Variants in WDR7 observed in about 807,000 individuals in gnomAD.
WDR7 encodes the protein WD repeat-containing protein 7.
A neutral mutation model predicts 169.4 loss-of-function variants in WDR7; 46 were observed. The ratio of observed to expected loss-of-function variants is 0.27; its 90% CI spans 0.21 to 0.35. The LOEUF (loss-of-function observed/expected upper bound fraction) is 0.35. Ranked by LOEUF, WDR7 falls within the 10% of genes least tolerant of loss-of-function variation. WDR7 has a pLI of 1.00. For missense variants in WDR7, 1,534 were observed against 1,859.3 expected (o/e 0.83, Z 3.22); for synonymous variants, 612 against 666.8 (o/e 0.92, Z 1.27).
chr18:57,012,713 T>G (rs1308785618), intron 26 of WDR7, among the ~76,000 whole-genome samples: 1 of 152,162 alleles, frequency 6.6e-6, no homozygotes. Flanking sequence ...ACATAAGACT[T>G]TCTCAGCTGT....
At chr18:57,032,092 A>G (rs527975596), downstream of WDR7, 1 of 152,340 alleles carries the variant, frequency 6.6e-6, no homozygotes, top group South Asian at 2.1e-4. Context: ...GCTTCTCACC[A>G]AAATTTGTAG....
At chr18:56,748,336 G>A (rs1209949695) in intron 14 of WDR7, among the ~76,000 whole-genome samples, 1 of 152,106 alleles carries the variant, frequency 6.6e-6, no homozygotes, top group Non-Finnish European at 1.5e-5. Context: ...TTGGCCCTTT[G>A]GGAAGAGTTG....
chr18:56,880,289 A>C, intron 21 of WDR7, 124 bp downstream of exon 21: 2 of 889,936 alleles, frequency 2.2e-6, no homozygotes, highest in Non-Finnish European at 3.4e-6. Flanking sequence ...GTGAAGTTAG[A>C]AAGCAGTACA....
intron 26 of WDR7, among the ~76,000 whole-genome samples, chr18:56,974,373 T>C (rs1326945729): frequency 2.7e-5 from 4 of 148,606 alleles, no homozygotes; most frequent in Admixed American, 1.3e-4. Flanking sequence ...TTTTTTTTTT[T>C]TTTTTTTTGA....
chr18:56,892,419 C>T (rs2046276414), intron 21 of WDR7, among the ~76,000 whole-genome samples: 1 of 152,082 alleles, frequency 6.6e-6, no homozygotes, highest in East Asian at 1.9e-4. Context: ...AACTCATTTT[C>T]CACACATGTT....
intron 5 of WDR7, among the ~76,000 whole-genome samples, chr18:56,684,705 G>A (rs532399171): frequency 3.6e-4 from 55 of 152,320 alleles, no homozygotes; most frequent in African/African-American, 1.3e-3. Flanking sequence ...GTTCTTCAGA[G>A]TGTTGGTTCT....
intron 20 of WDR7, among the ~76,000 whole-genome samples, chr18:56,854,254 A>G (rs2045684003): frequency 6.6e-6 from 1 of 152,236 alleles, no homozygotes; most frequent in Non-Finnish European, 1.5e-5. Context: ...TCAGCTGACT[A>G]CAAAACATAC....
intron 1 of WDR7, among the ~76,000 whole-genome samples, chr18:56,653,853 G>T (rs917068359): frequency 6.6e-6 from 1 of 152,020 alleles, no homozygotes; most frequent in Non-Finnish European, 1.5e-5. Context: ...ATACATTTTA[G>T]ACCTCTGTGA....
chr18:56,799,270 A>G (rs2044632771), intron 19 of WDR7, among the ~76,000 whole-genome samples: 1 of 152,190 alleles, frequency 6.6e-6, no homozygotes, highest in Admixed American at 6.5e-5. Context: ...TTGAGGGTGT[A>G]GTACTCTTGT....
intron 14 of WDR7, among the ~76,000 whole-genome samples, chr18:56,739,423 C>A (rs1050085889): frequency 6.6e-6 from 1 of 152,076 alleles, no homozygotes; most frequent in Admixed American, 6.6e-5. Context: ...CTTCTTTTTA[C>A]ATTTTAGTTG....
At chr18:56,658,976 A>C (rs960305229) in intron 1 of WDR7, among the ~76,000 whole-genome samples, 2 of 152,054 alleles carry the variant, frequency 1.3e-5, no homozygotes, top group Non-Finnish European at 2.9e-5. Flanking sequence ...TTGGCCTCCC[A>C]AAGTGCTGGG....
Position 56,718,027 on chromosome 18 carries a change from C to G in WDR7, c.1642C>G (p.Arg548Gly). 2 of 1,614,036 alleles carry G rather than the reference C, an allele frequency of 1.2e-6. No individual in the cohort carries two copies. The highest frequency in any genetic ancestry group is 1.7e-6 in the Non-Finnish European group (2 of 1,179,982). Residue 548 changes from arginine (R) to glycine (G), a missense_variant, in exon 13 of 28, where the codon CGA (arginine) becomes GGA (glycine). Physicochemically the swap from Arg to Gly is moderately radical, Grantham distance 125. Transcript: ENST00000254442. ...SDHSVGLLSLREKKCIMLASR... is the reference protein window; with the variant it reads ...SDHSVGLLSLGEKKCIMLASR... ...CCACTCAGTAGGACTTCTAAGTTTG[C>G]GAGAGAAAAAATGCATAATGTTGGC...
chr18:56,850,366 G>A (rs2045623615), intron 20 of WDR7, among the ~76,000 whole-genome samples: 1 of 152,178 alleles, frequency 6.6e-6, no homozygotes, highest in Admixed American at 6.5e-5. Context: ...AGCAGCACCT[G>A]AAAACTGGTA....
chr18:56,865,253 G>A (rs111861650), intron 20 of WDR7, among the ~76,000 whole-genome samples: 8 of 152,084 alleles, frequency 5.3e-5, no homozygotes, highest in African/African-American at 1.9e-4. Context: ...GGACTGAAAG[G>A]CATTTAGCAC....
At chr18:56,728,272 T>G (rs2026504320) in intron 13 of WDR7, among the ~76,000 whole-genome samples, 1 of 152,230 alleles carries the variant, frequency 6.6e-6, no homozygotes, top group Non-Finnish European at 1.5e-5. Flanking sequence ...GAAAAGATAC[T>G]TTGAAACCAT....
chr18:56,898,269 A>G (rs1321790092), intron 21 of WDR7, among the ~76,000 whole-genome samples: 1 of 152,070 alleles, frequency 6.6e-6, no homozygotes, highest in Non-Finnish European at 1.5e-5. Flanking sequence ...TAAATAAATA[A>G]ATGAAGGATA....
intron 21 of WDR7, among the ~76,000 whole-genome samples, chr18:56,881,856 G>A (rs894434013): frequency 7.2e-5 from 11 of 152,154 alleles, no homozygotes; most frequent in Middle Eastern, 3.4e-3. Flanking sequence ...AAAGTGCTAG[G>A]ATTACAGGCA....
chr18:56,765,898 T>C (rs77702025), intron 16 of WDR7, among the ~76,000 whole-genome samples: 2,010 of 152,356 alleles, frequency 0.013, 21 homozygotes, highest in East Asian at 0.033. Context: ...CATGTTGTTT[T>C]GCTGTACCTA....
intron 21 of WDR7, among the ~76,000 whole-genome samples, chr18:56,908,546 T>C (rs12604928): frequency 0.71 from 107,920 of 152,128 alleles, 39,728 homozygotes; most frequent in East Asian, 0.84. Flanking sequence ...CAAACAAGTA[T>C]TGTATATAAT....
Sources: gnomAD v4.1 joint callset for allele counts (sites outside exome capture counted in the v4.1 genomes callset) on GRCh38, gnomAD v4.1.1 for gene constraint, MANE v1.5 for transcripts, NCBI Gene and HGNC (gene_info 2026-07-23, HGNC 2026-07-21) for gene names.